Variants in GALNT13 observed in about 807,000 individuals in gnomAD.
GALNT13 encodes the protein UDP-GalNAc:polypeptide N-acetylgalactosaminyltransferase 13.
A neutral mutation model predicts 64.2 loss-of-function variants in GALNT13; 28 were observed. That is an observed-to-expected ratio of 0.44 (90% CI 0.32 to 0.60). The LOEUF is 0.60. GALNT13 is among the 20% of genes least tolerant of loss of function. The probability of loss-of-function intolerance (pLI) is 0.05; values close to 1 mark genes in which losing one functional copy is unlikely to be tolerated. For missense variants in GALNT13, 577 were observed against 669.8 expected (o/e 0.86, Z 1.53); for synonymous variants, 214 against 224.6 (o/e 0.95, Z 0.42).
chr2:153,127,005 CA>C, the GALNT13 span, among the ~76,000 whole-genome samples: 1 of 151,978 alleles, frequency 6.6e-6, no homozygotes, highest in Non-Finnish European at 1.5e-5. Flanking sequence ...AGAGAAGGTA[CA>C]GAATATCCTA....
At chr2:154,363,308 T>C (rs148552729) in intron 9 of GALNT13, among the ~76,000 whole-genome samples, 1 of 152,214 alleles carries the variant, frequency 6.6e-6, no homozygotes, top group Non-Finnish European at 1.5e-5. Flanking sequence ...TTGCTTCCAG[T>C]CTTTTCAGAA....
chr2:153,332,503 T>G, the GALNT13 span, among the ~76,000 whole-genome samples: 1 of 151,990 alleles, frequency 6.6e-6, no homozygotes, highest in Non-Finnish European at 1.5e-5. Flanking sequence ...TATTGATTTC[T>G]ATTTTCATTC....
At chr2:153,843,282 AG>A in the GALNT13 span, among the ~76,000 whole-genome samples, 1 of 152,326 alleles carries the variant, frequency 6.6e-6, no homozygotes, top group East Asian at 1.9e-4. Flanking sequence ...AAGGTGAAGA[AG>A]GAGCAGGTAT....
intron 3 of GALNT13, among the ~76,000 whole-genome samples, chr2:153,982,525 A>C (rs999760240): frequency 3.9e-5 from 6 of 152,056 alleles, no homozygotes; most frequent in Non-Finnish European, 5.9e-5. Flanking sequence ...AATGTACCTA[A>C]GGGAAAATAG....
intron 3 of GALNT13, among the ~76,000 whole-genome samples, chr2:154,051,722 A>G (rs1477950136): frequency 6.6e-6 from 1 of 152,228 alleles, no homozygotes; most frequent in Non-Finnish European, 1.5e-5. Context: ...TACTACTGTT[A>G]TTAAATGGAA....
At chr2:153,687,102 AT>A in the GALNT13 span, among the ~76,000 whole-genome samples, 3 of 151,370 alleles carry the variant, frequency 2.0e-5, no homozygotes, top group Non-Finnish European at 3.0e-5. Context: ...CTGAAGTTTT[AT>A]TTTTGTGTGT....
chr2:154,072,496 A>T (rs1544837), intron 3 of GALNT13, among the ~76,000 whole-genome samples: 114,999 of 151,992 alleles, frequency 0.76, 43,894 homozygotes, highest in East Asian at 0.96. Context: ...TATAGTGTAT[A>T]TAAGATTTGG....
chr2:153,413,263 A>G, the GALNT13 span, among the ~76,000 whole-genome samples: 1 of 152,170 alleles, frequency 6.6e-6, no homozygotes, highest in Non-Finnish European at 1.5e-5. Flanking sequence ...ACAGGATTGT[A>G]TCGATACTAT....
At chr2:154,426,265 G>A (rs10191701) in intron 11 of GALNT13, among the ~76,000 whole-genome samples, 4 of 152,226 alleles carry the variant, frequency 2.6e-5, no homozygotes, top group Admixed American at 6.5e-5. Flanking sequence ...GCTGCCCTCC[G>A]TTATGTGCCA....
At chr2:154,162,897 G>A (rs983701840) in intron 4 of GALNT13, among the ~76,000 whole-genome samples, 3 of 151,368 alleles carry the variant, frequency 2.0e-5, no homozygotes, top group Non-Finnish European at 4.4e-5. Flanking sequence ...GTAGTGAGCC[G>A]AGTTTTCCAA....
At chr2:153,340,554 C>T in the GALNT13 span, among the ~76,000 whole-genome samples, 1 of 151,778 alleles carries the variant, frequency 6.6e-6, no homozygotes, top group Non-Finnish European at 1.5e-5. Context: ...ACTCAGGAGG[C>T]CGAGGCAGGA....
intron 3 of GALNT13, among the ~76,000 whole-genome samples, chr2:154,075,188 C>T (rs1183503018): frequency 6.6e-6 from 1 of 151,710 alleles, no homozygotes; most frequent in Non-Finnish European, 1.5e-5. Context: ...ACTTGAGTGA[C>T]AAAATAATCT....
chr2:154,142,971 T>C (rs1406879285), intron 4 of GALNT13, among the ~76,000 whole-genome samples: 2 of 152,168 alleles, frequency 1.3e-5, no homozygotes, highest in East Asian at 3.8e-4. Context: ...TTATAATGTT[T>C]AAACATTGCA....
chr2:153,336,857 T>G, the GALNT13 span, among the ~76,000 whole-genome samples: 1,917 of 152,278 alleles, frequency 0.013, 40 homozygotes, highest in African/African-American at 0.043. Flanking sequence ...TCCCATGTAT[T>G]GTGGGAGGGA....
At chr2:153,125,304 C>T in the GALNT13 span, among the ~76,000 whole-genome samples, 15 of 152,164 alleles carry the variant, frequency 9.9e-5, no homozygotes, top group African/African-American at 1.4e-4. Context: ...GAAAGTGTTG[C>T]TTTAGAAACT....
At chr2:153,987,760 C>G (rs1273142596) in intron 3 of GALNT13, among the ~76,000 whole-genome samples, 1 of 151,762 alleles carries the variant, frequency 6.6e-6, no homozygotes. Flanking sequence ...GATGATAACT[C>G]ACCCTGAGTT....
At chr2:153,948,231 T>G (rs1421009926) in intron 3 of GALNT13, among the ~76,000 whole-genome samples, 4 of 76,376 alleles carry the variant, frequency 5.2e-5, no homozygotes, top group Non-Finnish European at 1.1e-4. Flanking sequence ...TAATGGCAAT[T>G]TAATGGGACT....
At chr2:153,821,705 C>T in the GALNT13 span, among the ~76,000 whole-genome samples, 2 of 152,082 alleles carry the variant, frequency 1.3e-5, no homozygotes, top group African/African-American at 4.8e-5. Context: ...AGCCCCAGAG[C>T]TAGTAGAAGA....
chr2:154,278,410 A>G (rs540913008), intron 8 of GALNT13, among the ~76,000 whole-genome samples: 1 of 152,294 alleles, frequency 6.6e-6, no homozygotes, highest in Admixed American at 6.5e-5. Context: ...CTATAAAGTT[A>G]TGGAAAGTTA....
Sources: gnomAD v4.1 joint callset for allele counts (sites outside exome capture counted in the v4.1 genomes callset) on GRCh38, gnomAD v4.1.1 for gene constraint, MANE v1.5 for transcripts, NCBI Gene and HGNC (gene_info 2026-07-23, HGNC 2026-07-21) for gene names.